The following RBM19 variants were observed in gnomAD, a reference collection of about 807,000 sequenced individuals.
The protein encoded by RBM19 is RNA binding motif protein 19.
In RBM19, 94 loss-of-function variants were observed where a neutral mutation model predicts 116.8. The observed-to-expected ratio is 0.80, with a 90% confidence interval of 0.68 to 0.95. RBM19 has a LOEUF of 0.95. Ranked by LOEUF, RBM19 falls within the 40% of genes least tolerant of loss-of-function variation. The pLI is 0.00. For synonymous variants in RBM19, 475 were observed against 494.1 expected (o/e 0.96, Z 0.51); for missense variants, 1,161 against 1,220.7 (o/e 0.95, Z 0.73).
rs192982834 is a variant in RBM19, at chr12:113,880,186, A to G, written c.2559-21290T>C. The stretch of plus-strand genomic sequence containing the variant: ...TGTATGGGACATACTTATGCCCAAA[A>G]AAACAAAACAAAACAAAACAAAAAA... On this transcript the variant is annotated intron_variant, in intron 21 of 23. Coordinates refer to ENST00000261741, the MANE Select transcript of RBM19 (RefSeq NM_016196.4). 1.3e-3 allele frequency among the ~76,000 whole-genome samples: 196 copies of G among 152,144 alleles called. 1 individual carries two copies. Among genetic ancestry groups the G allele is most frequent in the Non-Finnish European group, 2.1e-3 (140 of 68,012 alleles).
intron 21 of RBM19, among the ~76,000 whole-genome samples, chr12:113,880,312 T>C (rs1259993664): frequency 1.3e-5 from 2 of 152,102 alleles, no homozygotes; most frequent in African/African-American, 4.8e-5. Flanking sequence ...TTTGCTGTGG[T>C]TGGTCTCTGG....
chr12:113,877,655 T>C (rs1033296233), intron 21 of RBM19, among the ~76,000 whole-genome samples: 1 of 152,228 alleles, frequency 6.6e-6, no homozygotes, highest in African/African-American at 2.4e-5. Flanking sequence ...AGGATGGGTA[T>C]GAGCAGGCAG....
intron 6 of RBM19, among the ~76,000 whole-genome samples, chr12:113,955,726 G>C (rs1871878936): frequency 6.6e-6 from 1 of 152,196 alleles, no homozygotes; most frequent in South Asian, 2.1e-4. Context: ...GCCCCGACTT[G>C]AATGCACTTC....
rs1565960601 is a variant in RBM19 at position 113,830,587 on chromosome 12, GGGT to G, written c.2786-7269_2786-7267del. 3.7e-3 allele frequency among the ~76,000 whole-genome samples: 356 copies of G among 95,520 alleles called. 3 individuals are homozygous for G. Among genetic ancestry groups the G allele is most frequent in the African/African-American group, 0.01 (265 of 25,804 alleles). The allele number at this position is 95,520 out of a possible 152,430, so 62.7% of individuals were successfully genotyped here. The stretch of plus-strand genomic sequence containing the variant: ...TAGGGCTGCGGGGCGGGGGGGGGGG[GGGT>G]GGGCTATGCCTGGGGGCTTCTAGAC... On this transcript the variant is annotated intron_variant, in intron 23 of 23. Coordinates refer to ENST00000261741, the MANE Select transcript of RBM19 (RefSeq NM_016196.4).
intron 23 of RBM19, among the ~76,000 whole-genome samples, chr12:113,833,973 T>A (rs1272429544): frequency 6.6e-6 from 1 of 152,154 alleles, no homozygotes; most frequent in African/African-American, 2.4e-5. Flanking sequence ...CTCAAACTCC[T>A]AGGCTCAAGT....
At chr12:113,883,101 G>T (rs1448629242) in intron 21 of RBM19, among the ~76,000 whole-genome samples, 1 of 152,158 alleles carries the variant, frequency 6.6e-6, no homozygotes, top group Non-Finnish European at 1.5e-5. Flanking sequence ...TAGGGAACGA[G>T]GGAGAAAAAA....
intron 8 of RBM19, among the ~76,000 whole-genome samples, chr12:113,951,183 T>C (rs1243727364): frequency 2.0e-5 from 3 of 152,136 alleles, no homozygotes; most frequent in South Asian, 2.1e-4. Flanking sequence ...CAATCTTTAA[T>C]GAGGCCCCTA....
At chr12:113,837,441 A>T (rs1355668185) in intron 23 of RBM19, among the ~76,000 whole-genome samples, 1 of 152,198 alleles carries the variant, frequency 6.6e-6, no homozygotes, top group African/African-American at 2.4e-5. Context: ...AAGGACCATG[A>T]GGCCCCTCAA....
rs1184791201 is a variant in RBM19 at position 113,883,157 on chromosome 12, C to T, written c.2559-24261G>A. On this transcript the variant is annotated intron_variant, in intron 21 of 23. Coordinates refer to ENST00000261741, the MANE Select transcript of RBM19 (RefSeq NM_016196.4). ...ACAGGACATGCAAAAGGCAGGTCAT[C>T]GCCTCTAAAGAAAACTCCTGCCCAG... Among the ~76,000 whole-genome samples, 8 of 152,278 alleles carry T rather than the reference C, an allele frequency of 5.3e-5. No homozygotes were observed. In the East Asian group the frequency reaches 9.7e-4, roughly 18 times the overall value.
At chr12:113,897,240 C>G (rs1347619039) in intron 21 of RBM19, among the ~76,000 whole-genome samples, 1 of 152,210 alleles carries the variant, frequency 6.6e-6, no homozygotes. Context: ...GTGATCTCAG[C>G]TCACTGCAAC....
chr12:113,834,619 C>A (rs891109547), intron 23 of RBM19, among the ~76,000 whole-genome samples: 6 of 152,194 alleles, frequency 3.9e-5, no homozygotes. Context: ...TGTTCCAATA[C>A]AACTTTATTT....
intron 21 of RBM19, among the ~76,000 whole-genome samples, chr12:113,895,342 G>T (rs1203838619): frequency 6.6e-6 from 1 of 152,136 alleles, no homozygotes; most frequent in African/African-American, 2.4e-5. Flanking sequence ...GCTGCTGGGA[G>T]GGAAACAGTC....
Position 113,894,599 on chromosome 12 carries a change from G to A in RBM19, c.2558+20370C>T, listed in dbSNP as rs551132568. Among the ~76,000 whole-genome samples the A allele has an allele frequency of 4.3e-4, 65 of 152,306 alleles. No homozygotes were observed. The South Asian group carries it at 5.8e-3, about 14-fold the overall frequency. ...TACTCCTCAGACTGGGGGTTGCAAT[G>A]TAATTTTCTTTCAACTGACATTTTT... On this transcript the variant is annotated intron_variant, in intron 21 of 23. Transcript: ENST00000261741.
intron 23 of RBM19, among the ~76,000 whole-genome samples, chr12:113,841,257 G>C (rs567329510): frequency 1.3e-5 from 2 of 152,296 alleles, no homozygotes; most frequent in South Asian, 4.1e-4. Flanking sequence ...TGAAGGGCCA[G>C]CAGTGTTTGT....
At chr12:113,828,837 G>T (rs547018562) in intron 23 of RBM19, among the ~76,000 whole-genome samples, 1 of 152,070 alleles carries the variant, frequency 6.6e-6, no homozygotes, top group Non-Finnish European at 1.5e-5. Context: ...CAGCCCCCAC[G>T]GGCAGAGCTC....
At chr12:113,947,738 T>C (rs1871154398) in intron 10 of RBM19, among the ~76,000 whole-genome samples, 1 of 152,248 alleles carries the variant, frequency 6.6e-6, no homozygotes, top group Admixed American at 6.5e-5. Flanking sequence ...GCTCATGGGC[T>C]AAATGCGTTC....
intron 21 of RBM19, among the ~76,000 whole-genome samples, chr12:113,883,818 T>G (rs1880320054): frequency 6.6e-6 from 1 of 152,212 alleles, no homozygotes; most frequent in Non-Finnish European, 1.5e-5. Context: ...GGTTTCTCAC[T>G]GCCTGAGAAG....
chr12:113,938,531 C>T (rs1007247446), intron 15 of RBM19, among the ~76,000 whole-genome samples: 5 of 152,142 alleles, frequency 3.3e-5, no homozygotes, highest in Admixed American at 3.3e-4. Context: ...GCTAAAGTGT[C>T]TTATAAACAG....
intron 9 of RBM19, among the ~76,000 whole-genome samples, chr12:113,949,621 T>C (rs1326045288): frequency 6.6e-6 from 1 of 152,124 alleles, no homozygotes. Context: ...AATACATCCC[T>C]GGGTATTGTT....
Sources: allele counts gnomAD v4.1 joint callset (sites outside exome capture counted in the v4.1 genomes callset), GRCh38; gene constraint gnomAD v4.1.1; transcripts MANE v1.5; gene names NCBI Gene and HGNC (gene_info 2026-07-23, HGNC 2026-07-21).